Variants in KIF5C observed in about 807,000 individuals in gnomAD.
The protein encoded by KIF5C is kinesin family member 5C.
KIF5C carries 18 observed loss-of-function variants against 125.2 expected under a neutral mutation model. The observed-to-expected ratio is 0.14, with a 90% CI of 0.10 to 0.21. KIF5C has a LOEUF of 0.21. Among genes scored for constraint, KIF5C ranks in the 10% least tolerant of loss-of-function variants. KIF5C has a pLI of 1.00. For synonymous variants in KIF5C, 405 were observed against 434.0 expected (o/e 0.93, Z 0.83); for missense variants, 780 against 1,183.8 (o/e 0.66, Z 5.01).
At chr2:149,008,182 T>C in intron 23 of KIF5C, 115 bp downstream of exon 23, 1 of 1,299,374 alleles carries the variant, frequency 7.7e-7, no homozygotes, top group South Asian at 2.1e-5. Flanking sequence ...AAAAGAACTG[T>C]ACACTATCAG....
intron 17 of KIF5C, among the ~76,000 whole-genome samples, chr2:148,995,736 C>A (rs1045533481): frequency 2.0e-5 from 3 of 152,140 alleles, no homozygotes; most frequent in Admixed American, 6.5e-5. Flanking sequence ...TACACTATGG[C>A]GTGTTATTTA....
At chr2:148,928,444 A>T (rs1682087448) in intron 2 of KIF5C, among the ~76,000 whole-genome samples, 1 of 152,194 alleles carries the variant, frequency 6.6e-6, no homozygotes. Context: ...AGCAGGAGAG[A>T]AATGAGTGCT....
At chr2:148,996,387 C>T (rs1026161865) in intron 17 of KIF5C, among the ~76,000 whole-genome samples, 1 of 152,216 alleles carries the variant, frequency 6.6e-6, no homozygotes, top group South Asian at 2.1e-4. Flanking sequence ...TGTGGTAACA[C>T]ATGGCATGTT....
chr2:148,968,869 G>C (rs1214123099), intron 11 of KIF5C, among the ~76,000 whole-genome samples: 3 of 151,904 alleles, frequency 2.0e-5, no homozygotes, highest in African/African-American at 7.3e-5. Context: ...CTTTGATACA[G>C]AAATTACCTA....
chr2:148,939,352 T>TAAAG (rs1682360064), intron 4 of KIF5C, among the ~76,000 whole-genome samples: 1 of 152,228 alleles, frequency 6.6e-6, no homozygotes, highest in South Asian at 2.1e-4. Flanking sequence ...AGCCTGCTTC[T>TAAAG]CCTTCTTGCC....
intron 25 of KIF5C, among the ~76,000 whole-genome samples, chr2:149,014,524 G>T (rs1297187694): frequency 6.6e-6 from 1 of 152,216 alleles, no homozygotes; most frequent in East Asian, 1.9e-4. Flanking sequence ...GACTGGCATT[G>T]GACAAGGGAC....
chr2:148,879,104 C>T (rs894498607), intron 1 of KIF5C: 1 of 152,198 alleles, frequency 6.6e-6, no homozygotes, highest in Admixed American at 6.5e-5. Context: ...ACACCAGCCA[C>T]AGTCTTTCCC....
At chr2:148,942,601 A>C (rs1053140479) in intron 6 of KIF5C, 72 bp from the exon 7 acceptor site, 11 of 1,545,476 alleles carry the variant, frequency 7.1e-6, no homozygotes, top group African/African-American at 1.4e-5. Context: ...AAACAGGAAA[A>C]TGTTTCAGCC....
intron 11 of KIF5C, among the ~76,000 whole-genome samples, chr2:148,965,030 G>A (rs1353711229): frequency 6.6e-6 from 1 of 152,036 alleles, no homozygotes; most frequent in Non-Finnish European, 1.5e-5. Context: ...GTGTGGTGAG[G>A]GGTTGGCTAT....
At chr2:148,882,171 T>C (rs1681382886) in intron 1 of KIF5C, among the ~76,000 whole-genome samples, 1 of 152,186 alleles carries the variant, frequency 6.6e-6, no homozygotes. Flanking sequence ...AACCTGAGGG[T>C]GAGTCAGATA....
chr2:148,900,427 TC>T (rs1680849731), intron 1 of KIF5C, among the ~76,000 whole-genome samples: 1 of 152,206 alleles, frequency 6.6e-6, no homozygotes, highest in African/African-American at 2.4e-5. Context: ...ATCTTGGAAA[TC>T]AAGTCTTAAA....
At chr2:148,921,993 C>T (rs1574746886) in intron 1 of KIF5C, 144 bp from the exon 2 acceptor site, 2 of 539,472 alleles carry the variant, frequency 3.7e-6, no homozygotes, top group African/African-American at 1.9e-5. Context: ...GTAAAAATTC[C>T]CTGCTCTTGG....
At chr2:148,988,500 G>C (rs890224275) in intron 15 of KIF5C, among the ~76,000 whole-genome samples, 2 of 152,216 alleles carry the variant, frequency 1.3e-5, no homozygotes, top group Admixed American at 6.5e-5. Context: ...TGGAAAAGAA[G>C]AGGAATTCAT....
chr2:148,883,736 A>T (rs1485603167), intron 1 of KIF5C: 1 of 152,112 alleles, frequency 6.6e-6, no homozygotes, highest in Non-Finnish European at 1.5e-5. Flanking sequence ...ATATAATTTC[A>T]TTATATGCCT....
chr2:148,977,175 G>A (rs1681099877), intron 12 of KIF5C, among the ~76,000 whole-genome samples: 1 of 152,218 alleles, frequency 6.6e-6, no homozygotes, highest in African/African-American at 2.4e-5. Context: ...CACGTCTTCT[G>A]TAGTATCATC....
intron 15 of KIF5C, among the ~76,000 whole-genome samples, chr2:148,984,883 T>C (rs575806678): frequency 5.9e-4 from 90 of 152,292 alleles, no homozygotes; most frequent in African/African-American, 2.1e-3. Context: ...CTCTGCCTCC[T>C]GGGTTCAACC....
chr2:149,022,345 C>A (rs7607067), intron 25 of KIF5C, among the ~76,000 whole-genome samples: 10,613 of 152,116 alleles, frequency 0.07, 1,274 homozygotes, highest in African/African-American at 0.24. Context: ...ATCAGGAAAT[C>A]GGAGGTTGTG....
At position 148,984,460 on chromosome 2, in the gene KIF5C, C is replaced by T. The variant is rs1021751676; in HGVS notation, c.1716+694C>T. The stretch of plus-strand genomic sequence containing the variant: ...CAGGCTTTTTCTCTGTTTCCTTTCT[C>T]CTGTCCTCAGCTTGTTTCCTTTTCA... On this transcript the variant is annotated intron_variant, in intron 15 of 25. Coordinates refer to ENST00000435030, the MANE Select transcript of KIF5C (RefSeq NM_004522.3). Among the ~76,000 whole-genome samples, 3 of 152,174 alleles carry T rather than the reference C, an allele frequency of 2.0e-5. No individual in the cohort carries two copies. In the East Asian group the frequency reaches 5.8e-4, roughly 29 times the overall value.
intron 1 of KIF5C, among the ~76,000 whole-genome samples, chr2:148,889,708 GTGACA>G (rs945643025): frequency 1.3e-5 from 2 of 152,152 alleles, no homozygotes; most frequent in Non-Finnish European, 2.9e-5. Context: ...GGGAGGTGTG[GTGACA>G]CCACTTACAA....
Sources: allele counts gnomAD v4.1 joint callset (sites outside exome capture counted in the v4.1 genomes callset), GRCh38; gene constraint gnomAD v4.1.1; transcripts MANE v1.5; gene names NCBI Gene and HGNC (gene_info 2026-07-23, HGNC 2026-07-21).